PCSK5: variants seen among roughly 807,000 people sequenced by gnomAD.
The protein encoded by PCSK5 is prohormone convertase 5.
A neutral mutation model predicts 233.2 loss-of-function variants in PCSK5; 129 were observed. The ratio of observed to expected loss-of-function variants is 0.55; its 90% CI spans 0.48 to 0.64. The LOEUF is 0.64. Among genes scored for constraint, PCSK5 ranks in the 30% least tolerant of loss-of-function variants. PCSK5 has a pLI of 0.00. For synonymous variants in PCSK5, 825 were observed against 879.2 expected, an observed-to-expected ratio of 0.94 and a Z score of 1.09; for missense variants, 2,076 against 2,430.1, an observed-to-expected ratio of 0.85 and a Z score of 3.06.
At chr9:76,286,016 T>C (rs1330049820) in intron 24 of PCSK5, among the ~76,000 whole-genome samples, 1 of 152,160 alleles carries the variant, frequency 6.6e-6, no homozygotes, top group East Asian at 1.9e-4. Context: ...ATAATGTGAA[T>C]TTAAAACAGT....
intron 28 of PCSK5, among the ~76,000 whole-genome samples, chr9:76,302,817 C>T (rs556385351): frequency 1.2e-4 from 19 of 152,276 alleles, no homozygotes; most frequent in African/African-American, 4.3e-4. Flanking sequence ...CATCACAGTA[C>T]ATGCCTTTTC....
At chr9:76,234,786 T>C (rs538024324) in intron 22 of PCSK5, among the ~76,000 whole-genome samples, 10 of 152,322 alleles carry the variant, frequency 6.6e-5, no homozygotes, top group East Asian at 3.9e-4. Context: ...GAATATTAAC[T>C]GTTTTTATTT....
intron 22 of PCSK5, among the ~76,000 whole-genome samples, chr9:76,237,286 C>G (rs1224802660): frequency 6.6e-6 from 1 of 152,154 alleles, no homozygotes; most frequent in Non-Finnish European, 1.5e-5. Context: ...CTTCCAAACC[C>G]TCTTCTTTCC....
At chr9:76,021,777 A>G (rs1159502375) in intron 3 of PCSK5, among the ~76,000 whole-genome samples, 1 of 152,150 alleles carries the variant, frequency 6.6e-6, no homozygotes, top group Non-Finnish European at 1.5e-5. Flanking sequence ...GTAAGGGATG[A>G]GGTTTGGAAA....
Position 76,227,546 on chromosome 9 carries a change from C to T in PCSK5, c.2670C>T (p.Ala890=). The T allele has an allele frequency of 6.2e-7, 1 of 1,612,210 alleles. No individual in the cohort carries two copies. Among genetic ancestry groups the T allele is most frequent in the Non-Finnish European group, 8.5e-7 (1 of 1,179,654 alleles). Residue 890 remains alanine, a synonymous_variant, in exon 21 of 38, where the codon GCC becomes GCT. Transcript: ENST00000674117. ...ATGGCCACTGCCAGACCTGTGAGGC[C>T]TCATGTGCCAAGTGCCAGGGACCAA... ...DEHGHCQTCE[A]SCAKCQGPTQ...
intron 5 of PCSK5, among the ~76,000 whole-genome samples, chr9:76,057,499 T>C (rs1829862505): frequency 6.6e-6 from 1 of 152,208 alleles, no homozygotes; most frequent in South Asian, 2.1e-4. Flanking sequence ...AATGTATTAT[T>C]TAACTGTTAC....
chr9:75,940,759 T>C (rs777824724), intron 2 of PCSK5, among the ~76,000 whole-genome samples: 1 of 152,236 alleles, frequency 6.6e-6, no homozygotes, highest in Non-Finnish European at 1.5e-5. Context: ...GGATTCACTT[T>C]ATAATTTCAG....
rs796285754 is a variant in PCSK5 at position 75,908,917 on chromosome 9, ATCTATCTCTCTATCTC to A, written c.192+17548_192+17563del. ...TATCTATCTATCTATCTATCTATCT[ATCTATCTCTCTATCTC>A]TCTCTCTGTCTATCTATCTATCTAT... On this transcript the variant is annotated intron_variant, in intron 1 of 37. Coordinates refer to ENST00000674117, the MANE Select transcript of PCSK5 (RefSeq NM_001372043.1). 1.4e-3 allele frequency among the ~76,000 whole-genome samples: 165 copies of A among 116,674 alleles called. 1 individual carries two copies. Among genetic ancestry groups the A allele is most frequent in the Middle Eastern group, 4.6e-3 (1 of 216 alleles). 76.5% of individuals were successfully genotyped at this position (116,674 alleles called of 152,430 possible). A position where few individuals can be genotyped will look rare whatever the true frequency, so the allele number is the denominator to read the frequency against.
intron 5 of PCSK5, among the ~76,000 whole-genome samples, chr9:76,035,144 C>A (rs983743315): frequency 1.3e-5 from 2 of 152,120 alleles, no homozygotes; most frequent in Admixed American, 6.6e-5. Flanking sequence ...TATAAAACAG[C>A]CCAGTGTTTC....
intron 17 of PCSK5, 148 bp downstream of exon 17, chr9:76,184,905 G>T: frequency 2.0e-6 from 1 of 512,770 alleles, no homozygotes; most frequent in Admixed American, 3.5e-5. Context: ...ATTGCTATTT[G>T]CATTATCTCT....
At chr9:75,928,913 AT>A (rs1478672350) in intron 1 of PCSK5, among the ~76,000 whole-genome samples, 2 of 149,768 alleles carry the variant, frequency 1.3e-5, no homozygotes, top group African/African-American at 5.0e-5. Context: ...GGTTTCAGTA[AT>A]TTAAGGATTC....
At chr9:76,162,810 C>T (rs1259024302) in intron 12 of PCSK5, among the ~76,000 whole-genome samples, 1 of 152,150 alleles carries the variant, frequency 6.6e-6, no homozygotes, top group Non-Finnish European at 1.5e-5. Context: ...TCCTACCCCT[C>T]TGGGGGTAGG....
chr9:76,062,745 A>G (rs531419927), intron 5 of PCSK5, among the ~76,000 whole-genome samples: 2 of 152,378 alleles, frequency 1.3e-5, no homozygotes, highest in East Asian at 3.9e-4. Context: ...ATGATGATCA[A>G]ATAAGGGTAA....
At position 75,953,488 on chromosome 9, in the gene PCSK5, T is replaced by C. The variant is rs554639491; in HGVS notation, c.297+21005T>C. On this transcript the variant is annotated intron_variant, in intron 2 of 37. Coordinates refer to ENST00000674117, the MANE Select transcript of PCSK5 (RefSeq NM_001372043.1). ...TGAGGGGATGAATTTCACCATGAGA[T>C]TGTCCTTTTGTTTTGGCCAGGAATC... Among the ~76,000 whole-genome samples the C allele has an allele frequency of 3.3e-5, 5 of 152,292 alleles. No individual in the cohort carries two copies. The South Asian group carries it at 6.2e-4, about 19-fold the overall frequency.
At chr9:76,025,435 A>G (rs1455030838) in intron 4 of PCSK5, among the ~76,000 whole-genome samples, 1 of 152,012 alleles carries the variant, frequency 6.6e-6, no homozygotes, top group Non-Finnish European at 1.5e-5. Flanking sequence ...AAGCCACTCA[A>G]CAGACCACCA....
chr9:76,218,975 C>A (rs897918023), intron 20 of PCSK5, among the ~76,000 whole-genome samples: 7 of 152,202 alleles, frequency 4.6e-5, no homozygotes, highest in African/African-American at 1.7e-4. Context: ...GGGACAGAGG[C>A]ATCCTGGGTG....
chr9:75,920,564 G>T (rs1823211593), intron 1 of PCSK5, among the ~76,000 whole-genome samples: 1 of 152,098 alleles, frequency 6.6e-6, no homozygotes, highest in African/African-American at 2.4e-5. Flanking sequence ...CAGCACTTTG[G>T]GAGGCCAAGC....
intron 2 of PCSK5, among the ~76,000 whole-genome samples, chr9:75,979,043 G>A (rs926881909): frequency 2.5e-4 from 38 of 151,822 alleles, no homozygotes; most frequent in Admixed American, 1.6e-3. Flanking sequence ...TAGTAGAGAC[G>A]GGGTTTCTCC....
intron 2 of PCSK5, among the ~76,000 whole-genome samples, chr9:75,948,682 G>A (rs897600092): frequency 2.0e-5 from 3 of 152,056 alleles, no homozygotes; most frequent in African/African-American, 7.2e-5. Context: ...ACCCAGTAAT[G>A]GGATCACTGG....
Sources: allele counts gnomAD v4.1 joint callset (sites outside exome capture counted in the v4.1 genomes callset), GRCh38; gene constraint gnomAD v4.1.1; transcripts MANE v1.5; gene names NCBI Gene and HGNC (gene_info 2026-07-23, HGNC 2026-07-21).